Variants in SMARCC1 observed in about 807,000 individuals in gnomAD.
The protein encoded by SMARCC1 is SWI/SNF complex subunit SMARCC1.
A neutral mutation model predicts 147.4 loss-of-function variants in SMARCC1; 43 were observed. The ratio of observed to expected loss-of-function variants is 0.29; its 90% CI spans 0.23 to 0.38. SMARCC1 has a LOEUF of 0.38. SMARCC1 is among the 10% of genes least tolerant of loss of function. The pLI is 1.00. For missense variants in SMARCC1, 1,119 were observed against 1,381.1 expected (o/e 0.81, Z 3.01); for synonymous variants, 495 against 484.4 (o/e 1.02, Z -0.29).
intron 21 of SMARCC1, among the ~76,000 whole-genome samples, chr3:47,659,233 TC>T (rs562607759): frequency 3.1e-4 from 44 of 144,254 alleles, no homozygotes; most frequent in Non-Finnish European, 5.6e-4. Flanking sequence ...AAGAATTAAC[TC>T]CAATGCTCCT....
chr3:47,647,780 C>G (rs1270947901), intron 21 of SMARCC1, among the ~76,000 whole-genome samples: 1 of 152,188 alleles, frequency 6.6e-6, no homozygotes, highest in East Asian at 1.9e-4. Flanking sequence ...ATACACAGTC[C>G]AAGCTCACAA....
chr3:47,698,889 T>C (rs1377151597), intron 11 of SMARCC1, among the ~76,000 whole-genome samples: 1 of 152,004 alleles, frequency 6.6e-6, no homozygotes, highest in Non-Finnish European at 1.5e-5. Context: ...AATGTAGACA[T>C]GTGTGATGAT....
intron 26 of SMARCC1, among the ~76,000 whole-genome samples, chr3:47,602,209 T>G (rs2032398567): frequency 6.6e-6 from 1 of 152,128 alleles, no homozygotes; most frequent in South Asian, 2.1e-4. Flanking sequence ...AGAGGATTGC[T>G]TGAGCCCAGG....
chr3:47,658,466 C>G (rs2033292657), intron 21 of SMARCC1, among the ~76,000 whole-genome samples: 1 of 152,238 alleles, frequency 6.6e-6, no homozygotes. Flanking sequence ...AACCATTAAT[C>G]TACTTTGTTT....
intron 15 of SMARCC1, among the ~76,000 whole-genome samples, chr3:47,679,265 G>T (rs72918732): frequency 0.011 from 1,611 of 151,990 alleles, 27 homozygotes; most frequent in African/African-American, 0.036. Flanking sequence ...ACATGGGAGG[G>T]TATGTACAGT....
chr3:47,720,518 A>G, intron 7 of SMARCC1, 148 bp downstream of exon 7: 1 of 624,344 alleles, frequency 1.6e-6, no homozygotes, highest in Non-Finnish European at 2.8e-6. Context: ...CTTAAATAAG[A>G]AAACAGTCAA....
chr3:47,689,363 C>T (rs1158525694), intron 13 of SMARCC1, 24 bp downstream of exon 13: 4 of 1,602,578 alleles, frequency 2.5e-6, no homozygotes, highest in Non-Finnish European at 3.4e-6. Flanking sequence ...AGCTCTCTCA[C>T]ACCAGGCTTA....
At chr3:47,758,390 A>C (rs1430526943) in intron 2 of SMARCC1, among the ~76,000 whole-genome samples, 2 of 152,068 alleles carry the variant, frequency 1.3e-5, no homozygotes, top group South Asian at 2.1e-4. Flanking sequence ...CAAAAAAAAA[A>C]AAACAAAAAC....
At chr3:47,611,536 T>C (rs559380470) in intron 25 of SMARCC1, among the ~76,000 whole-genome samples, 44 of 152,366 alleles carry the variant, frequency 2.9e-4, no homozygotes, top group African/African-American at 1.1e-3. Context: ...ATTTTAGTTA[T>C]ATATATGGCT....
intron 25 of SMARCC1, among the ~76,000 whole-genome samples, chr3:47,612,787 A>T (rs2032581788): frequency 6.6e-6 from 1 of 152,196 alleles, no homozygotes; most frequent in African/African-American, 2.4e-5. Context: ...CACATACATA[A>T]ACCTGAAAGA....
intron 11 of SMARCC1, among the ~76,000 whole-genome samples, chr3:47,699,826 C>T (rs1037623988): frequency 6.6e-6 from 1 of 151,954 alleles, no homozygotes; most frequent in Non-Finnish European, 1.5e-5. Flanking sequence ...GTTTTAGTAA[C>T]TCATCTTACT....
chr3:47,774,019 A>T (rs775308426), intron 1 of SMARCC1, among the ~76,000 whole-genome samples: 10 of 150,392 alleles, frequency 6.6e-5, no homozygotes, highest in Non-Finnish European at 1.3e-4. Flanking sequence ...TTATTTTTTT[A>T]TTTTTTTTTG....
chr3:47,727,810 C>T (rs555804570), intron 6 of SMARCC1, among the ~76,000 whole-genome samples: 3 of 152,130 alleles, frequency 2.0e-5, no homozygotes, highest in East Asian at 2.0e-4. Flanking sequence ...AGGCTGGTCT[C>T]AAACTCCTGA....
chr3:47,591,186 G>A (rs142178380), intron 26 of SMARCC1, among the ~76,000 whole-genome samples: 1 of 152,304 alleles, frequency 6.6e-6, no homozygotes, highest in East Asian at 1.9e-4. Context: ...ACAATGCCAA[G>A]CACAGCCCAC....
chr3:47,672,194 A>G (rs2033510182), intron 18 of SMARCC1, among the ~76,000 whole-genome samples: 1 of 152,124 alleles, frequency 6.6e-6, no homozygotes, highest in African/African-American at 2.4e-5. Flanking sequence ...CAGAATATAC[A>G]GCTCAGGTCC....
At chr3:47,724,536 C>A (rs1391573317) in intron 6 of SMARCC1, among the ~76,000 whole-genome samples, 1 of 152,170 alleles carries the variant, frequency 6.6e-6, no homozygotes, top group African/African-American at 2.4e-5. Context: ...TAGCCCAACA[C>A]AAATTCATAA....
chr3:47,644,087 A>G (rs942851335), intron 21 of SMARCC1, among the ~76,000 whole-genome samples: 1 of 152,094 alleles, frequency 6.6e-6, no homozygotes, highest in African/African-American at 2.4e-5. Context: ...GAGGCCGAGG[A>G]AAAGGGACTG....
At chr3:47,768,937 C>T (rs1161161431) in intron 2 of SMARCC1, among the ~76,000 whole-genome samples, 3 of 152,042 alleles carry the variant, frequency 2.0e-5, no homozygotes, top group South Asian at 2.1e-4. Flanking sequence ...TAGCTGGGAG[C>T]GGTGGCTCAC....
At chr3:47,590,995 T>C (rs917438216) in intron 26 of SMARCC1, among the ~76,000 whole-genome samples, 158 bp from the exon 27 acceptor site, 1 of 152,220 alleles carries the variant, frequency 6.6e-6, no homozygotes, top group African/African-American at 2.4e-5. Flanking sequence ...TTTAGCTTTT[T>C]GTATTCTGGG....
Sources: gnomAD v4.1 joint callset for allele counts (sites outside exome capture counted in the v4.1 genomes callset) on GRCh38, gnomAD v4.1.1 for gene constraint, MANE v1.5 for transcripts, NCBI Gene and HGNC (gene_info 2026-07-23, HGNC 2026-07-21) for gene names.